The following GRAP2 variants were observed in gnomAD, a reference collection of about 807,000 sequenced individuals.
GRAP2 encodes GRB2-related adapter protein 2.
A neutral mutation model predicts 43.5 loss-of-function variants in GRAP2; 31 were observed. That is an observed-to-expected ratio of 0.71 (90% CI 0.54 to 0.96). GRAP2 has a LOEUF of 0.96. Ranked by LOEUF, GRAP2 falls within the 40% of genes least tolerant of loss-of-function variation. GRAP2 has a pLI of 0.00. For missense variants in GRAP2, 371 were observed against 424.4 expected, an observed-to-expected ratio of 0.87 and a Z score of 1.11; for synonymous variants, 156 against 164.8, an observed-to-expected ratio of 0.95 and a Z score of 0.41.
intron 1 of GRAP2, among the ~76,000 whole-genome samples, chr22:39,934,501 G>T (rs1405613255): frequency 1.3e-5 from 2 of 152,168 alleles, no homozygotes; most frequent in East Asian, 3.8e-4. Context: ...TAACCAGAGG[G>T]TTAGGAGTAC....
chr22:39,931,431 T>C (rs1413802006), intron 1 of GRAP2, among the ~76,000 whole-genome samples: 1 of 152,162 alleles, frequency 6.6e-6, no homozygotes, highest in East Asian at 1.9e-4. Flanking sequence ...TCTGAAATGG[T>C]TCCAGGAAGA....
intron 1 of GRAP2, among the ~76,000 whole-genome samples, chr22:39,932,511 G>A (rs780289811): frequency 8.2e-5 from 10 of 122,662 alleles, no homozygotes; most frequent in Non-Finnish European, 1.3e-4. Context: ...AGGAGTTCAA[G>A]ATCAGCCTGA....
rs545080208 is a variant in GRAP2 at position 39,905,462 on chromosome 22, G to C, written c.-15+4132G>C. Among the ~76,000 whole-genome samples, 6 of 152,240 alleles carry C rather than the reference G, an allele frequency of 3.9e-5. No homozygotes were observed. The East Asian group carries it at 9.6e-4, about 24-fold the overall frequency. On this transcript the variant is annotated intron_variant, in intron 1 of 7. Coordinates refer to ENST00000344138, the MANE Select transcript of GRAP2 (RefSeq NM_004810.4). ...GAGCCCAGTCTTTCACTTACTAAGC[G>C]AATGAACTGGGACGAGTTATTCTTT...
At position 39,919,895 on chromosome 22, in the gene GRAP2, CCTAT is replaced by C. The variant is rs547886518; in HGVS notation, c.-15+18569_-15+18572del. Among the ~76,000 whole-genome samples the C allele has an allele frequency of 3.9e-5, 6 of 152,292 alleles. No individual in the cohort carries two copies. In the East Asian group the frequency reaches 1.2e-3, roughly 29 times the overall value. ...CCTGATATGTATTAGTCTATTTATT[CCTAT>C]CTAAGGGGATAAGTGCCATTGTTGT... On this transcript the variant is annotated intron_variant, in intron 1 of 7. Transcript: ENST00000344138.
At position 39,915,328 on chromosome 22, in the gene GRAP2, C is replaced by A. The variant is rs547295541; in HGVS notation, c.-15+13998C>A. Among the ~76,000 whole-genome samples the A allele has an allele frequency of 8.2e-4, 125 of 152,242 alleles. 1 individual carries two copies. The highest frequency in any genetic ancestry group is 2.4e-3 in the Admixed American group (37 of 15,288). ...CACTGCTCAAGGTAAACACCCAGCCCCACTTGTGGTTGAGCAGGCATTGAC... is the reference window on the plus strand; with the variant it reads ...CACTGCTCAAGGTAAACACCCAGCCACACTTGTGGTTGAGCAGGCATTGAC... On this transcript the variant is annotated intron_variant, in intron 1 of 7. Coordinates refer to ENST00000344138, the MANE Select transcript of GRAP2 (RefSeq NM_004810.4).
intron 1 of GRAP2, among the ~76,000 whole-genome samples, chr22:39,946,329 C>T (rs1028925838): frequency 1.3e-5 from 2 of 152,156 alleles, no homozygotes; most frequent in Non-Finnish European, 2.9e-5. Flanking sequence ...ATTACATCCC[C>T]GCTGCCTCCT....
chr22:39,906,161 T>C (rs1481872311), intron 1 of GRAP2, among the ~76,000 whole-genome samples: 5 of 152,136 alleles, frequency 3.3e-5, no homozygotes, highest in East Asian at 1.9e-4. Context: ...GGGTGGAAGA[T>C]GATATTTTGA....
chr22:39,967,083 T>A (rs1021024479), intron 5 of GRAP2, among the ~76,000 whole-genome samples: 9 of 152,310 alleles, frequency 5.9e-5, no homozygotes, highest in African/African-American at 2.2e-4. Context: ...GGAAGAAGCA[T>A]TCACTAGAAT....
At chr22:39,933,887 A>G (rs1397873903) in intron 1 of GRAP2, among the ~76,000 whole-genome samples, 4 of 152,032 alleles carry the variant, frequency 2.6e-5, no homozygotes, top group African/African-American at 2.4e-5. Context: ...CAAAAGCTTC[A>G]ACACACAGGG....
In GRAP2 at chr22:39,968,268, A is replaced by G. The variant is rs2067196705; in HGVS notation, c.686A>G (p.His229Arg). The G allele has an allele frequency of 6.2e-7, 1 of 1,612,848 alleles. No individual in the cohort carries two copies. Among genetic ancestry groups the G allele is most frequent in the Non-Finnish European group, 8.5e-7 (1 of 1,179,280 alleles). ...QQRYLQHHHF[H>R]QERRGGSLDI... ...CGATATCTGCAGCACCACCATTTCCACCAGGTATCTGGAAAGAAGGCAGTG... is the reference window on the plus strand; with the variant it reads ...CGATATCTGCAGCACCACCATTTCCGCCAGGTATCTGGAAAGAAGGCAGTG... The change falls in exon 6 of 8, where the codon CAC (histidine) becomes CGC (arginine). Residue 229 changes from histidine to arginine, a missense_variant. His to Arg is a conservative substitution (Grantham distance 29, BLOSUM62 0). Transcript: ENST00000344138.
Position 39,947,195 on chromosome 22 carries a change from T to C in GRAP2, c.78+11T>C. 1.3e-5 allele frequency: 19 copies of C among 1,474,326 alleles called. No homozygotes were observed. Among genetic ancestry groups the C allele is most frequent in the Non-Finnish European group, 1.8e-5 (19 of 1,052,474 alleles). 91.3% of individuals were successfully genotyped at this position (1,474,326 alleles called of 1,614,324 possible). ...GGAGATGTTTTGAAGGTAGGTGACC[T>C]GGGGCCCCAGGGGAGCAGTAGGGAG... On this transcript the variant is annotated intron_variant, in intron 2 of 7. Transcript: ENST00000344138.
intron 6 of GRAP2, 186 bp downstream of exon 6, chr22:39,968,458 AACACACACACACACACACACACTGTCTC>A (rs1429099073): frequency 3.8e-6 from 2 of 523,900 alleles, no homozygotes; most frequent in Admixed American, 3.3e-5. Flanking sequence ...CTCCCACCTG[AACACACACACACACACACACACTGTCTC>A]ACACACACAC....
chr22:39,928,361 C>T (rs2066725397), intron 1 of GRAP2, among the ~76,000 whole-genome samples: 1 of 152,184 alleles, frequency 6.6e-6, no homozygotes. Flanking sequence ...TGAACCATGG[C>T]AGAGGCAGAT....
Position 39,969,530 on chromosome 22 carries a change from A to AG in GRAP2, c.813+1dup. On this transcript the variant is annotated frameshift_variant, in exon 7 of 8. Transcript: ENST00000344138. LOFTEE classifies it high-confidence loss of function. ...CAGACCCAGTGCAGCTCCAGGCGGC[A>AG]GGGGTATGGGAACTGTCCTTCTCTG... The AG allele has an allele frequency of 6.2e-7, 1 of 1,613,824 alleles. No individual in the cohort carries two copies.
intron 1 of GRAP2, among the ~76,000 whole-genome samples, chr22:39,910,945 C>G (rs1394636145): frequency 6.6e-6 from 1 of 152,178 alleles, no homozygotes; most frequent in Non-Finnish European, 1.5e-5. Context: ...TTCATTGTCT[C>G]TTTCCTATCC....
intron 3 of GRAP2, among the ~76,000 whole-genome samples, chr22:39,959,008 C>T (rs535353373): frequency 6.6e-6 from 1 of 152,370 alleles, no homozygotes; most frequent in East Asian, 1.9e-4. Flanking sequence ...CAGAGAATTG[C>T]TCACAAAGGA....
intron 1 of GRAP2, among the ~76,000 whole-genome samples, chr22:39,946,580 T>G (rs1272828776): frequency 1.3e-5 from 2 of 152,222 alleles, no homozygotes; most frequent in Non-Finnish European, 2.9e-5. Flanking sequence ...AGAAGGAAGC[T>G]GAGTTCCCCA....
At chr22:39,967,546 T>TTC (rs2067187354) in intron 5 of GRAP2, among the ~76,000 whole-genome samples, 1 of 151,974 alleles carries the variant, frequency 6.6e-6, no homozygotes, top group Non-Finnish European at 1.5e-5. Context: ...TTCCCCCACG[T>TTC]CCAGCCCGGC....
At chr22:39,956,225 A>C (rs1384424699) in intron 3 of GRAP2, among the ~76,000 whole-genome samples, 3 of 141,406 alleles carry the variant, frequency 2.1e-5, no homozygotes, top group African/African-American at 8.0e-5. Flanking sequence ...TGACTCCATC[A>C]CCACTCACTG....
Sources: gnomAD v4.1 joint callset for allele counts (sites outside exome capture counted in the v4.1 genomes callset) on GRCh38, gnomAD v4.1.1 for gene constraint, MANE v1.5 for transcripts, NCBI Gene and HGNC (gene_info 2026-07-23, HGNC 2026-07-21) for gene names.